The following PRRC2C variants were observed in gnomAD, a reference collection of about 807,000 sequenced individuals.
The protein encoded by PRRC2C is protein PRRC2C.
In PRRC2C, 72 loss-of-function variants were observed where a neutral mutation model predicts 317.2. That is an observed-to-expected ratio of 0.23 (90% CI 0.19 to 0.28). The LOEUF is 0.28. Among genes scored for constraint, PRRC2C ranks in the 10% least tolerant of loss-of-function variants. The probability of loss-of-function intolerance (pLI) is 1.00; values close to 1 mark genes in which losing one functional copy is unlikely to be tolerated. For synonymous variants in PRRC2C, 1,296 were observed against 1,205.9 expected, an observed-to-expected ratio of 1.07 and a Z score of -1.55; for missense variants, 3,074 against 3,459.7, an observed-to-expected ratio of 0.89 and a Z score of 2.80.
In PRRC2C at chr1:171,542,847, A is replaced by G. The variant is rs186121573; in HGVS notation, c.4763+618A>G. Among the ~76,000 whole-genome samples the G allele has an allele frequency of 2.3e-3, 354 of 151,540 alleles. 2 individuals carry two copies. Among genetic ancestry groups the G allele is most frequent in the African/African-American group, 8.1e-3 (336 of 41,338 alleles). Reference sequence around the variant, plus strand: ...GTGATCTCGGCTCACTGCAAGCTCCACCTCCAGGGTTCATGCCATTCTCCT... The same window carrying G: ...GTGATCTCGGCTCACTGCAAGCTCCGCCTCCAGGGTTCATGCCATTCTCCT... On this transcript the variant is annotated intron_variant, in intron 16 of 34. Coordinates refer to ENST00000647382, the MANE Select transcript of PRRC2C (RefSeq NM_001387844.1).
At chr1:171,525,769 A>G (rs560177516) in intron 10 of PRRC2C, among the ~76,000 whole-genome samples, 17 of 152,358 alleles carry the variant, frequency 1.1e-4, no homozygotes, top group African/African-American at 3.8e-4. Flanking sequence ...TTAAACAAGC[A>G]TGATTTAGGC....
chr1:171,589,918 T>C (rs775393241), intron 34 of PRRC2C, among the ~76,000 whole-genome samples: 28 of 151,792 alleles, frequency 1.8e-4, no homozygotes, highest in Non-Finnish European at 3.4e-4. Flanking sequence ...TGAGTTTAGA[T>C]GCACACTTTT....
chr1:171,488,751 G>A (rs1447956128), intron 1 of PRRC2C, among the ~76,000 whole-genome samples: 2 of 152,056 alleles, frequency 1.3e-5, no homozygotes, highest in Non-Finnish European at 1.5e-5. Flanking sequence ...AGTTTCAACC[G>A]GAAATTTTTA....
intron 16 of PRRC2C, among the ~76,000 whole-genome samples, chr1:171,543,322 C>CAA (rs1214982713): frequency 1.1e-3 from 68 of 62,994 alleles, no homozygotes; most frequent in African/African-American, 3.2e-3. Context: ...GACTCCGTCT[C>CAA]AAAAAAAAAA....
intron 20 of PRRC2C, among the ~76,000 whole-genome samples, chr1:171,563,456 C>G (rs1166357927): frequency 6.6e-6 from 1 of 152,022 alleles, no homozygotes; most frequent in Non-Finnish European, 1.5e-5. Context: ...TATTTTCCAT[C>G]CATACTGGGT....
intron 12 of PRRC2C, among the ~76,000 whole-genome samples, chr1:171,535,087 A>G (rs1346593973): frequency 6.6e-6 from 1 of 152,162 alleles, no homozygotes; most frequent in Non-Finnish European, 1.5e-5. Flanking sequence ...ACTACCAGTA[A>G]ATACTGACAA....
Position 171,545,637 on chromosome 1 carries a change from C to G in PRRC2C, c.4922C>G (p.Pro1641Arg), listed in dbSNP as rs747694622. 6 of 1,613,154 alleles carry G rather than the reference C, an allele frequency of 3.7e-6. No individual in the cohort carries two copies. In the East Asian group the frequency reaches 1.3e-4, roughly 36 times the overall value. Residue 1641 changes from proline (P) to arginine (R), a missense_variant, in exon 17 of 35, where the codon CCA (proline) becomes CGA (arginine). Around this residue, in one of 11 missense-constraint regions of PRRC2C, gnomAD observed 178 missense variants for 163.0 expected, o/e 1.09. Transcript: ENST00000647382. ...GACCCCAAACCAGGCCCTAAAAAAC[C>G]AAAAGAGAAAGTGGATGCTCTATCA... Reference protein sequence around the residue: ...REDPKPGPKKPKEKVDALSQF... With the variant: ...REDPKPGPKKRKEKVDALSQF...
chr1:171,558,184 G>A, intron 19 of PRRC2C, 41 bp downstream of exon 19: 1 of 1,532,836 alleles, frequency 6.5e-7, no homozygotes, highest in Non-Finnish European at 8.8e-7. Context: ...GAATGGCATA[G>A]GAATACTGAG....
In PRRC2C at chr1:171,592,078, C is replaced by T. The variant is rs1415659547; in HGVS notation, c.*231C>T. On this transcript the variant is annotated 3_prime_UTR_variant, in exon 35 of 35. Coordinates refer to ENST00000647382, the MANE Select transcript of PRRC2C (RefSeq NM_001387844.1). Reference sequence around the variant, plus strand: ...TATATAACATGTGCTTGGTTGATGGCCATGCATCTTCAGTCAGAATTTATA... The same window carrying T: ...TATATAACATGTGCTTGGTTGATGGTCATGCATCTTCAGTCAGAATTTATA... 1.1e-5 allele frequency: 5 copies of T among 440,786 alleles called. No individual in the cohort carries two copies. Among genetic ancestry groups the T allele is most frequent in the Non-Finnish European group, 2.0e-5 (5 of 253,386 alleles). The allele number at this position is 440,786 out of a possible 1,614,324, so 27.3% of individuals were successfully genotyped here. A position where few individuals can be genotyped will look rare whatever the true frequency, so the allele number is the denominator to read the frequency against.
Position 171,541,896 on chromosome 1 carries a change from T to G in PRRC2C, c.4430T>G (p.Ile1477Ser), listed in dbSNP as rs745979170. The G allele has an allele frequency of 6.2e-7, 1 of 1,613,834 alleles. No individual in the cohort carries two copies. The highest frequency in any genetic ancestry group is 1.3e-5 in the African/African-American group (1 of 75,040). ...AQEPVNTLGD[I>S]SGNKTPDLSN... is the part of the protein sequence containing the mutation. Reference sequence around the variant, plus strand: ...GAACCAGTTAATACTCTTGGGGATATTTCCGGGAATAAGACACCAGATTTA... The same window carrying G: ...GAACCAGTTAATACTCTTGGGGATAGTTCCGGGAATAAGACACCAGATTTA... The change falls in exon 16 of 35, where the codon ATT becomes AGT. Residue 1477 changes from isoleucine (I) to serine (S), a missense_variant. By Grantham distance (142) the Ile-to-Ser change is moderately radical. This residue lies in a region of PRRC2C where 1,320 missense variants were observed against 1,395.7 expected (regional missense o/e 0.95). Transcript: ENST00000647382. This position sits in a 1 kb window ranked among gnomAD's most constrained non-coding sequence, Gnocchi z 4.1.
intron 34 of PRRC2C, 188 bp from the exon 35 acceptor site, chr1:171,591,397 ATG>A: frequency 1.7e-6 from 1 of 604,318 alleles, no homozygotes; most frequent in Non-Finnish European, 2.5e-6. Context: ...TTTAAATCAC[ATG>A]AAATATTTCA....
chr1:171,529,248 A>G (rs968934772), intron 11 of PRRC2C, among the ~76,000 whole-genome samples: 10 of 152,054 alleles, frequency 6.6e-5, no homozygotes, highest in Non-Finnish European at 1.2e-4. Context: ...TTCCTTGGGT[A>G]TGTCTTCTAT....
At chr1:171,583,839 C>T in intron 28 of PRRC2C, 117 bp from the exon 29 acceptor site, 1 of 841,408 alleles carries the variant, frequency 1.2e-6, no homozygotes, top group Non-Finnish European at 1.8e-6. Context: ...CTGTTGTTGA[C>T]TAAAATGTCA....
intron 1 of PRRC2C, among the ~76,000 whole-genome samples, chr1:171,504,365 A>C (rs968406906): frequency 3.3e-5 from 5 of 152,194 alleles, no homozygotes; most frequent in Admixed American, 3.3e-4. Context: ...ACCCAGTGTC[A>C]CAAAGATTTT....
In PRRC2C at chr1:171,584,175, A is replaced by T. The variant is rs760331112; in HGVS notation, c.7629A>T (p.Thr2543=). ...TAGGAGGTTCCCAGCTGATTGACACACATCTTCTCCAGGTAAGTCAGGGGA... is the reference window on the plus strand; with the variant it reads ...TAGGAGGTTCCCAGCTGATTGACACTCATCTTCTCCAGGTAAGTCAGGGGA... ...SGLGGSQLID[T]HLLQARANLT... Residue 2543 remains threonine, a synonymous_variant, in exon 29 of 35, where the codon ACA becomes ACT. Transcript: ENST00000647382. 2 of 1,612,382 alleles carry T rather than the reference A, an allele frequency of 1.2e-6. No homozygotes were observed.
chr1:171,495,084 A>G (rs937512393), intron 1 of PRRC2C, among the ~76,000 whole-genome samples: 1 of 152,192 alleles, frequency 6.6e-6, no homozygotes, highest in Non-Finnish European at 1.5e-5. Context: ...GTCGTTTGTT[A>G]ATGTTTGTCT....
At chr1:171,508,873 T>A (rs1670753326) in intron 1 of PRRC2C, among the ~76,000 whole-genome samples, 1 of 150,314 alleles carries the variant, frequency 6.7e-6, no homozygotes, top group South Asian at 2.1e-4. Flanking sequence ...ATCAATTTAA[T>A]TTTTTTTTTC....
chr1:171,591,118 G>A (rs757488692), intron 34 of PRRC2C: 31 of 966,626 alleles, frequency 3.2e-5, no homozygotes, highest in East Asian at 1.1e-4. Context: ...AAGTGAAGTC[G>A]TAGTTACTAA....
At chr1:171,535,920 T>C (rs1196104094) in intron 13 of PRRC2C, 109 bp from the exon 14 acceptor site, 7 of 1,379,998 alleles carry the variant, frequency 5.1e-6, no homozygotes, top group African/African-American at 1.4e-5. Flanking sequence ...TTTGAACTCT[T>C]ACTTTTCCTT....
Sources: gnomAD v4.1 joint callset for allele counts (sites outside exome capture counted in the v4.1 genomes callset) on GRCh38, gnomAD v4.1.1 for gene constraint, gnomAD v4.1.1 regional missense constraint, Gnocchi (gnomAD v3.1) non-coding constraint, MANE v1.5 for transcripts, NCBI Gene and HGNC (gene_info 2026-07-23, HGNC 2026-07-21) for gene names.